The following MCC variants were observed in gnomAD, a reference collection of about 807,000 sequenced individuals.
MCC encodes the protein colorectal mutant cancer protein.
MCC carries 90 observed loss-of-function variants against 116.2 expected under a neutral mutation model. The ratio of observed to expected loss-of-function variants is 0.77; its 90% CI spans 0.65 to 0.92. The LOEUF (loss-of-function observed/expected upper bound fraction) is 0.92, where lower values mean the gene tolerates loss of function less well. Ranked by LOEUF, MCC falls within the 40% of genes least tolerant of loss-of-function variation. MCC has a pLI of 0.00. For missense variants in MCC, 1,516 were observed against 1,312.2 expected (o/e 1.16, Z -2.40); for synonymous variants, 578 against 510.5 (o/e 1.13, Z -1.78).
chr5:113,174,962 C>T (rs1761258981), intron 3 of MCC, among the ~76,000 whole-genome samples: 2 of 151,796 alleles, frequency 1.3e-5, no homozygotes, highest in Admixed American at 6.6e-5. Context: ...AAATGTTCAC[C>T]ACATTTATAA....
At chr5:113,360,510 T>G (rs897937524) in intron 2 of MCC, among the ~76,000 whole-genome samples, 4 of 152,242 alleles carry the variant, frequency 2.6e-5, no homozygotes, top group African/African-American at 9.6e-5. Flanking sequence ...TGAGTCTGTC[T>G]GTTTTTGAAT....
chr5:113,280,883 C>T (rs543550302), intron 3 of MCC, among the ~76,000 whole-genome samples: 3 of 152,190 alleles, frequency 2.0e-5, no homozygotes, highest in Non-Finnish European at 2.9e-5. Flanking sequence ...ATGACCCAGC[C>T]ATGGAAGTCC....
At chr5:113,439,528 GTC>G (rs1346602873) in intron 1 of MCC, among the ~76,000 whole-genome samples, 1 of 152,176 alleles carries the variant, frequency 6.6e-6, no homozygotes, top group Non-Finnish European at 1.5e-5. Context: ...CCCTCAGAAG[GTC>G]TCTCAGTGTC....
At chr5:113,286,795 G>T (rs867555946) in intron 3 of MCC, among the ~76,000 whole-genome samples, 1 of 152,180 alleles carries the variant, frequency 6.6e-6, no homozygotes, top group Non-Finnish European at 1.5e-5. Context: ...GAAATATCTT[G>T]AAAGATTCAT....
At chr5:113,315,466 A>C (rs1767255707) in intron 3 of MCC, among the ~76,000 whole-genome samples, 1 of 152,182 alleles carries the variant, frequency 6.6e-6, no homozygotes. Flanking sequence ...TCAACTTAAT[A>C]CTAAGTTCTG....
At chr5:113,349,177 A>G (rs1768206084) in intron 2 of MCC, among the ~76,000 whole-genome samples, 1 of 152,014 alleles carries the variant, frequency 6.6e-6, no homozygotes, top group African/African-American at 2.4e-5. Flanking sequence ...AGAGGAGGAT[A>G]GAACACTTCC....
intron 3 of MCC, among the ~76,000 whole-genome samples, chr5:113,207,880 C>G (rs1762976499): frequency 6.6e-6 from 1 of 152,136 alleles, no homozygotes; most frequent in South Asian, 2.1e-4. Flanking sequence ...TTAAAGTGGT[C>G]TGCTGAATGA....
At chr5:113,088,392 G>T (rs1755353306) in intron 8 of MCC, among the ~76,000 whole-genome samples, 1 of 151,700 alleles carries the variant, frequency 6.6e-6, no homozygotes, top group Non-Finnish European at 1.5e-5. Flanking sequence ...CTCACCCATT[G>T]TAGTGGGTTG....
intron 3 of MCC, among the ~76,000 whole-genome samples, chr5:113,182,629 C>T (rs924907792): frequency 3.9e-5 from 6 of 152,182 alleles, no homozygotes; most frequent in Non-Finnish European, 5.9e-5. Context: ...TCAAAAGCTA[C>T]ATGAAGATAC....
chr5:113,390,185 T>C (rs79201228), intron 1 of MCC, among the ~76,000 whole-genome samples: 1,885 of 152,318 alleles, frequency 0.012, 40 homozygotes, highest in African/African-American at 0.044. Flanking sequence ...AAAATACAGC[T>C]TACATGCAAT....
intron 17 of MCC, among the ~76,000 whole-genome samples, chr5:113,043,236 C>T (rs1011322279): frequency 2.6e-5 from 4 of 152,234 alleles, no homozygotes; most frequent in African/African-American, 7.2e-5. Context: ...CACTAGTTAA[C>T]ACTGTCCCGG....
chr5:113,372,354 T>G (rs1768855705), intron 2 of MCC, among the ~76,000 whole-genome samples: 1 of 152,220 alleles, frequency 6.6e-6, no homozygotes. Context: ...TTGTACTACT[T>G]GAGACATCAT....
chr5:113,179,982 T>C (rs896382850), intron 3 of MCC, among the ~76,000 whole-genome samples: 3 of 152,212 alleles, frequency 2.0e-5, no homozygotes, highest in Admixed American at 6.5e-5. Flanking sequence ...TACCTGAAGA[T>C]GTAGCTTCAG....
chr5:113,334,870 C>T (rs749754247), intron 3 of MCC, among the ~76,000 whole-genome samples: 1 of 151,552 alleles, frequency 6.6e-6, no homozygotes, highest in African/African-American at 2.4e-5. Flanking sequence ...GCATTACAGG[C>T]GTGAGCCACC....
At chr5:113,140,715 C>A (rs576963105) in intron 5 of MCC, among the ~76,000 whole-genome samples, 1 of 152,160 alleles carries the variant, frequency 6.6e-6, no homozygotes, top group Admixed American at 6.5e-5. Context: ...TTTAGCTTCT[C>A]CAATAAATTC....
intron 2 of MCC, among the ~76,000 whole-genome samples, chr5:113,379,077 G>C (rs912756081): frequency 1.3e-5 from 2 of 152,188 alleles, no homozygotes; most frequent in African/African-American, 4.8e-5. Context: ...TCACTAACAC[G>C]AATTGCCCTC....
At chr5:113,171,419 G>A (rs890626059) in intron 3 of MCC, among the ~76,000 whole-genome samples, 10 of 151,818 alleles carry the variant, frequency 6.6e-5, no homozygotes, top group African/African-American at 9.7e-5. Flanking sequence ...GTAGTGCCAC[G>A]ACTCGGCTAA....
intron 8 of MCC, among the ~76,000 whole-genome samples, chr5:113,092,772 G>C (rs1188257572): frequency 6.6e-6 from 1 of 152,216 alleles, no homozygotes; most frequent in Non-Finnish European, 1.5e-5. Context: ...GGGCTGGCCA[G>C]ATTTCCCAAA....
At chr5:113,477,123 C>G (rs568133273) in intron 1 of MCC, among the ~76,000 whole-genome samples, 1 of 152,222 alleles carries the variant, frequency 6.6e-6, no homozygotes, top group South Asian at 2.1e-4. Flanking sequence ...TAAATGAGAT[C>G]ATGCAGACTA....
Sources: gnomAD v4.1 joint callset for allele counts (sites outside exome capture counted in the v4.1 genomes callset) on GRCh38, gnomAD v4.1.1 for gene constraint, MANE v1.5 for transcripts, NCBI Gene and HGNC (gene_info 2026-07-23, HGNC 2026-07-21) for gene names.